DACH1: variants seen among roughly 807,000 people sequenced by gnomAD.
DACH1 encodes the protein dachshund family transcription factor 1, also known as dachshund homolog 1.
Under a neutral mutation model 54.2 loss-of-function variants are expected in DACH1, and 12 were observed. The ratio of observed to expected loss-of-function variants is 0.22; its 90% CI spans 0.14 to 0.36. The LOEUF is 0.36. DACH1 is among the 10% of genes least tolerant of loss of function. The pLI is 1.00. For missense variants in DACH1, 805 were observed against 929.8 expected (o/e 0.87, Z 1.75); for synonymous variants, 386 against 366.2 (o/e 1.05, Z -0.62).
chr13:71,744,346 A>C (rs1348899524), intron 1 of DACH1, among the ~76,000 whole-genome samples: 1 of 152,236 alleles, frequency 6.6e-6, no homozygotes, highest in Non-Finnish European at 1.5e-5. Context: ...TGGTTAGCTT[A>C]TGCCTGATAC....
intron 1 of DACH1, among the ~76,000 whole-genome samples, chr13:71,841,489 A>G (rs1294442993): frequency 6.6e-6 from 1 of 152,158 alleles, no homozygotes; most frequent in Non-Finnish European, 1.5e-5. Context: ...CAGAGCCTGG[A>G]TATGACTATT....
intron 1 of DACH1, among the ~76,000 whole-genome samples, chr13:71,756,714 A>G (rs1885175155): frequency 6.6e-6 from 1 of 152,172 alleles, no homozygotes. Context: ...AATCATCTTT[A>G]GAGTAGAAAT....
At chr13:71,823,024 C>T (rs1473894267) in intron 1 of DACH1, among the ~76,000 whole-genome samples, 1 of 152,038 alleles carries the variant, frequency 6.6e-6, no homozygotes, top group Non-Finnish European at 1.5e-5. Flanking sequence ...TAAAATAACA[C>T]AGCACCAACA....
intron 3 of DACH1, among the ~76,000 whole-genome samples, chr13:71,603,734 T>A (rs1874676180): frequency 6.6e-6 from 1 of 151,968 alleles, no homozygotes; most frequent in Admixed American, 6.6e-5. Flanking sequence ...TTATATAAAT[T>A]ACCTATCAAG....
Position 71,646,055 on chromosome 13 carries a change from C to T in DACH1, c.965-15338G>A, listed in dbSNP as rs117187378. On this transcript the variant is annotated intron_variant, in intron 2 of 10. Transcript: ENST00000613252. The stretch of plus-strand genomic sequence containing the variant: ...AAAAGAGATATAAAACTTCTGCAAT[C>T]GGCCAGGTGCGGTGGCTCATGCCTG... 4.2e-3 allele frequency among the ~76,000 whole-genome samples: 635 copies of T among 152,074 alleles called. 4 individuals are homozygous for T. The highest frequency in any genetic ancestry group is 7.1e-3 in the Non-Finnish European group (484 of 67,942).
At chr13:71,633,927 G>C (rs1185019280) in intron 2 of DACH1, among the ~76,000 whole-genome samples, 1 of 150,864 alleles carries the variant, frequency 6.6e-6, no homozygotes, top group African/African-American at 2.4e-5. Flanking sequence ...CCATGTCATA[G>C]TCAGCCAAAC....
In DACH1 at chr13:71,619,531, G is replaced by A. The variant is rs144635196; in HGVS notation, c.1126+11025C>T. Among the ~76,000 whole-genome samples the A allele has an allele frequency of 8.4e-3, 1,274 of 151,924 alleles. 51 individuals carry two copies. The highest frequency in any genetic ancestry group is 0.066 in the Admixed American group (1,000 of 15,248). On this transcript the variant is annotated intron_variant, in intron 3 of 10. Transcript: ENST00000613252. ...TGGTTCATGTCAAGATAACTTAATC[G>A]TCAACATTTAGGTTCAACAGCAGAG...
At chr13:71,695,360 C>G (rs1307392342) in intron 1 of DACH1, among the ~76,000 whole-genome samples, 1 of 152,050 alleles carries the variant, frequency 6.6e-6, no homozygotes, top group Non-Finnish European at 1.5e-5. Flanking sequence ...AACAAGGCAG[C>G]AAAATATAAC....
intron 2 of DACH1, among the ~76,000 whole-genome samples, chr13:71,644,696 GAC>G (rs1417366895): frequency 6.6e-6 from 1 of 151,744 alleles, no homozygotes; most frequent in Non-Finnish European, 1.5e-5. Context: ...GCAGCATTTG[GAC>G]AGAACTGGGG....
chr13:71,549,240 A>G (rs1883651875), intron 6 of DACH1, among the ~76,000 whole-genome samples: 1 of 152,112 alleles, frequency 6.6e-6, no homozygotes, highest in Admixed American at 6.6e-5. Flanking sequence ...TCAATGTGAA[A>G]CTGATAAGTG....
At chr13:71,568,939 T>C (rs1885044762) in intron 4 of DACH1, among the ~76,000 whole-genome samples, 1 of 152,000 alleles carries the variant, frequency 6.6e-6, no homozygotes, top group African/African-American at 2.4e-5. Flanking sequence ...AACTAGGAAT[T>C]TCAATTAGAC....
chr13:71,718,721 G>A (rs1883098681), intron 1 of DACH1, among the ~76,000 whole-genome samples: 1 of 152,050 alleles, frequency 6.6e-6, no homozygotes, highest in South Asian at 2.1e-4. Context: ...ACCCACTGCT[G>A]AGGCCTCTTT....
chr13:71,509,762 C>G (rs1880619214), intron 6 of DACH1, among the ~76,000 whole-genome samples: 1 of 151,996 alleles, frequency 6.6e-6, no homozygotes, highest in Non-Finnish European at 1.5e-5. Context: ...CTAAATAGTT[C>G]TAATTGCATA....
At chr13:71,748,844 CTCTTTCTT>C (rs201889116) in intron 1 of DACH1, among the ~76,000 whole-genome samples, 1,742 of 131,062 alleles carry the variant, frequency 0.013, 56 homozygotes, top group East Asian at 0.065. Flanking sequence ...AATATTTTTT[CTCTTTCTT>C]TCTTTCTTTC....
At chr13:71,578,114 T>C (rs1593925005) in intron 3 of DACH1, among the ~76,000 whole-genome samples, 1 of 152,302 alleles carries the variant, frequency 6.6e-6, no homozygotes, top group Middle Eastern at 3.4e-3. Context: ...TTACTATCAT[T>C]TATACCTAGG....
chr13:71,531,739 T>C (rs2138307558), intron 6 of DACH1, among the ~76,000 whole-genome samples: 1 of 152,148 alleles, frequency 6.6e-6, no homozygotes, highest in Admixed American at 6.6e-5. Flanking sequence ...ATTTTGTTAT[T>C]AATGTTGTCA....
chr13:71,839,497 C>T (rs1271678868), intron 1 of DACH1, among the ~76,000 whole-genome samples: 1 of 152,038 alleles, frequency 6.6e-6, no homozygotes, highest in Non-Finnish European at 1.5e-5. Flanking sequence ...GTCCCAGCTA[C>T]TCGGGAGGTT....
intron 10 of DACH1, among the ~76,000 whole-genome samples, chr13:71,461,936 A>AAAT (rs1468875067): frequency 6.6e-6 from 1 of 151,996 alleles, no homozygotes; most frequent in African/African-American, 2.4e-5. Context: ...CTTATGAACT[A>AAAT]AATGTAAATG....
At chr13:71,798,358 A>C (rs1035621200) in intron 1 of DACH1, among the ~76,000 whole-genome samples, 1 of 125,902 alleles carries the variant, frequency 7.9e-6, no homozygotes, top group African/African-American at 2.9e-5. Context: ...ATATATATAT[A>C]TATATCCATT....
Sources: gnomAD v4.1 joint callset for allele counts (sites outside exome capture counted in the v4.1 genomes callset) on GRCh38, gnomAD v4.1.1 for gene constraint, MANE v1.5 for transcripts, NCBI Gene and HGNC (gene_info 2026-07-23, HGNC 2026-07-21) for gene names.